GABRG3: variants seen among roughly 807,000 people sequenced by gnomAD.
The protein encoded by GABRG3 is gamma-aminobutyric acid type A receptor subunit gamma3.
In GABRG3, 25 loss-of-function variants were observed where a neutral mutation model predicts 48.8. That is an observed-to-expected ratio of 0.51 (90% CI 0.37 to 0.72). GABRG3 has a LOEUF of 0.72. Ranked by LOEUF, GABRG3 falls within the 30% of genes least tolerant of loss-of-function variation. The pLI is 0.00. For synonymous variants in GABRG3, 227 were observed against 217.6 expected, an observed-to-expected ratio of 1.04 and a Z score of -0.38; for missense variants, 394 against 577.9, an observed-to-expected ratio of 0.68 and a Z score of 3.26.
intron 3 of GABRG3, among the ~76,000 whole-genome samples, chr15:27,281,658 ATTAC>A (rs1891437954): frequency 6.6e-6 from 1 of 151,752 alleles, no homozygotes; most frequent in Non-Finnish European, 1.5e-5. Flanking sequence ...ATATAGAAAT[ATTAC>A]TTTAATTAGG....
intron 2 of GABRG3, among the ~76,000 whole-genome samples, chr15:26,993,935 T>C (rs1192648469): frequency 1.2e-4 from 19 of 152,078 alleles, no homozygotes; most frequent in African/African-American, 4.6e-4. Flanking sequence ...CTTGCCGAAT[T>C]GAACCCTTTA....
At chr15:27,019,235 ATT>A (rs899263364) in intron 2 of GABRG3, among the ~76,000 whole-genome samples, 1 of 151,036 alleles carries the variant, frequency 6.6e-6, no homozygotes, top group African/African-American at 2.4e-5. Flanking sequence ...CGCCTGGCTA[ATT>A]TTTTTTGTAT....
chr15:27,201,489 A>G (rs1283313463), intron 3 of GABRG3, among the ~76,000 whole-genome samples: 1 of 151,432 alleles, frequency 6.6e-6, no homozygotes, highest in Non-Finnish European at 1.5e-5. Context: ...AAACAGAGGG[A>G]AATAGGGGAG....
At chr15:27,146,080 G>A (rs545607473) in intron 3 of GABRG3, among the ~76,000 whole-genome samples, 5 of 152,246 alleles carry the variant, frequency 3.3e-5, no homozygotes, top group South Asian at 4.1e-4. Context: ...CGTATCACTA[G>A]CAGACTTGCC....
At chr15:27,007,514 C>G (rs1455103187) in intron 2 of GABRG3, among the ~76,000 whole-genome samples, 3 of 152,212 alleles carry the variant, frequency 2.0e-5, no homozygotes, top group African/African-American at 7.2e-5. Context: ...AGTGGCTGAA[C>G]TAATTTACAT....
At position 27,028,966 on chromosome 15, in the gene GABRG3, G is replaced by A. The variant is rs533840956; in HGVS notation, c.270+2145G>A. Among the ~76,000 whole-genome samples the A allele has an allele frequency of 3.2e-3, 491 of 152,212 alleles. 4 individuals are homozygous for A. Among genetic ancestry groups the A allele is most frequent in the Non-Finnish European group, 5.6e-3 (378 of 68,022 alleles). ...GGTGAGAAACGACCTTAGAATGGCC[G>A]GGGGCATTGTAAGCCCTGGGCCCTG... is the stretch of plus-strand genomic sequence containing the variant. On this transcript the variant is annotated intron_variant, in intron 3 of 9. Transcript: ENST00000615808.
At chr15:27,031,586 A>G (rs986691677) in intron 3 of GABRG3, among the ~76,000 whole-genome samples, 2 of 152,202 alleles carry the variant, frequency 1.3e-5, no homozygotes, top group African/African-American at 2.4e-5. Context: ...GACAGGTCCA[A>G]CATCACCAAA....
chr15:26,974,023 A>G lies in GABRG3; in HGVS notation c.53+2435A>G, dbSNP rs182163511. Among the ~76,000 whole-genome samples the G allele has an allele frequency of 2.7e-4, 41 of 152,312 alleles. No individual in the cohort carries two copies. Among genetic ancestry groups the G allele is most frequent in the African/African-American group, 8.4e-4 (35 of 41,570 alleles). On this transcript the variant is annotated intron_variant, in intron 1 of 9. Coordinates refer to ENST00000615808, the MANE Select transcript of GABRG3 (RefSeq NM_033223.5). The surrounding 1 kb of genome is among the most constrained non-coding windows in gnomAD (Gnocchi z 4.3). ...CTGAGATGAGATTTCATTTTTGTCAAAGCAAGGATTTTCCTGTGGGCCTGG... is the reference window on the plus strand; with the variant it reads ...CTGAGATGAGATTTCATTTTTGTCAGAGCAAGGATTTTCCTGTGGGCCTGG...
intron 3 of GABRG3, among the ~76,000 whole-genome samples, chr15:27,151,247 A>G (rs1898306366): frequency 6.6e-6 from 1 of 151,560 alleles, no homozygotes; most frequent in Non-Finnish European, 1.5e-5. Context: ...TCATGCTCTC[A>G]CTCCCTACTT....
At chr15:27,011,771 C>T (rs900886708) in intron 2 of GABRG3, among the ~76,000 whole-genome samples, 2 of 151,464 alleles carry the variant, frequency 1.3e-5, no homozygotes, top group Admixed American at 6.6e-5. Flanking sequence ...TGGCGTGAAC[C>T]TGGGAGGCGG....
At chr15:27,101,175 A>G (rs375506653) in intron 3 of GABRG3, among the ~76,000 whole-genome samples, 12 of 152,378 alleles carry the variant, frequency 7.9e-5, no homozygotes, top group African/African-American at 2.2e-4. Context: ...AAATCATGTG[A>G]AAACCAAAAT....
chr15:27,496,030 G>C (rs987616268), intron 6 of GABRG3, among the ~76,000 whole-genome samples: 9 of 152,136 alleles, frequency 5.9e-5, no homozygotes, highest in Non-Finnish European at 1.2e-4. Context: ...TACCTACTTG[G>C]CCTTCAGTGA....
chr15:27,482,481 A>T (rs1373388355), intron 6 of GABRG3, among the ~76,000 whole-genome samples: 1 of 152,180 alleles, frequency 6.6e-6, no homozygotes, highest in African/African-American at 2.4e-5. Flanking sequence ...AATGATTGAC[A>T]TTTTCACAAT....
intron 5 of GABRG3, among the ~76,000 whole-genome samples, chr15:27,404,197 G>C (rs1422802336): frequency 6.6e-6 from 1 of 152,158 alleles, no homozygotes; most frequent in Non-Finnish European, 1.5e-5. Flanking sequence ...CTCTAGCCTG[G>C]GCGACAGAGG....
chr15:27,194,196 C>T (rs1888423603), intron 3 of GABRG3, among the ~76,000 whole-genome samples: 1 of 152,148 alleles, frequency 6.6e-6, no homozygotes, highest in African/African-American at 2.4e-5. Context: ...TCCCTAGTTT[C>T]TCCTTGCCTT....
At chr15:27,274,303 G>T (rs1183678339) in intron 3 of GABRG3, among the ~76,000 whole-genome samples, 6 of 152,166 alleles carry the variant, frequency 3.9e-5, no homozygotes, top group African/African-American at 1.4e-4. Flanking sequence ...CGACACCTGA[G>T]GCTGGGTAAT....
At chr15:27,347,414 C>G (rs1021920634) in intron 5 of GABRG3, among the ~76,000 whole-genome samples, 1 of 152,166 alleles carries the variant, frequency 6.6e-6, no homozygotes. Flanking sequence ...CTCCTTTTCC[C>G]TTTCCCAGCT....
At chr15:27,064,407 C>T (rs1027747261) in intron 3 of GABRG3, among the ~76,000 whole-genome samples, 2 of 152,106 alleles carry the variant, frequency 1.3e-5, no homozygotes, top group Non-Finnish European at 2.9e-5. Flanking sequence ...CGTTTCTGAC[C>T]CTTCTCTTCG....
chr15:27,322,605 A>G (rs866237657), intron 3 of GABRG3, among the ~76,000 whole-genome samples: 2 of 152,232 alleles, frequency 1.3e-5, no homozygotes, highest in East Asian at 1.9e-4. Flanking sequence ...TTTTAGAGTC[A>G]GAAGGGTCGT....
Sources: allele counts gnomAD v4.1 joint callset (sites outside exome capture counted in the v4.1 genomes callset), GRCh38; gene constraint gnomAD v4.1.1; non-coding constraint Gnocchi (gnomAD v3.1); transcripts MANE v1.5; gene names NCBI Gene and HGNC (gene_info 2026-07-23, HGNC 2026-07-21).